The following NBEAL1 variants were observed in gnomAD, a reference collection of about 807,000 sequenced individuals.
The protein encoded by NBEAL1 is neurobeachin like 1, also known as neurobeachin-like protein 1.
Under a neutral mutation model 351.3 loss-of-function variants are expected in NBEAL1, and 273 were observed. The ratio of observed to expected loss-of-function variants is 0.78; its 90% CI spans 0.70 to 0.86. NBEAL1 has a LOEUF of 0.86. Among genes scored for constraint, NBEAL1 ranks in the 40% least tolerant of loss-of-function variants. The pLI, the probability that NBEAL1 is intolerant of heterozygous loss-of-function variation, is 0.00. For missense variants in NBEAL1, 2,961 were observed against 3,201.3 expected (o/e 0.92, Z 1.81); for synonymous variants, 1,050 against 1,086.4 (o/e 0.97, Z 0.66).
intron 3 of NBEAL1, among the ~76,000 whole-genome samples, chr2:203,044,947 G>A (rs994761767): frequency 4.6e-5 from 7 of 152,232 alleles, no homozygotes; most frequent in African/African-American, 1.7e-4. Context: ...TGTGGAATTT[G>A]GGAAACTGCA....
chr2:203,072,788 G>T (rs1436826196), intron 7 of NBEAL1, among the ~76,000 whole-genome samples: 1 of 152,114 alleles, frequency 6.6e-6, no homozygotes, highest in African/African-American at 2.4e-5. Flanking sequence ...AACTCTTCCA[G>T]CCTCTACCCA....
At position 203,175,211 on chromosome 2, in the gene NBEAL1, A is replaced by T; in HGVS notation, c.6388A>T (p.Asn2130Tyr). Residue 2130 changes from asparagine to tyrosine, a missense_variant, in exon 42 of 56, where the codon AAT (asparagine) becomes TAT (tyrosine). Asn to Tyr is a moderately radical substitution (Grantham distance 143). Transcript: ENST00000683969. The part of the protein sequence containing the change: ...DKFHYGTHYS[N>Y]SAGVMHYLIR... ...GTTTCACTATGGTACTCACTATTCA[A>T]ATTCTGCGGGGGTCATGCACTATCT... 1.2e-6 allele frequency: 2 copies of T among 1,613,856 alleles called. No homozygotes were observed. Among genetic ancestry groups the T allele is most frequent in the Non-Finnish European group, 1.7e-6 (2 of 1,179,834 alleles).
At chr2:203,189,167 C>T (rs1575106095) in intron 45 of NBEAL1, among the ~76,000 whole-genome samples, 1 of 152,088 alleles carries the variant, frequency 6.6e-6, no homozygotes, top group African/African-American at 2.4e-5. Flanking sequence ...TTGGACTTAC[C>T]TAGTTTAGCC....
chr2:203,120,123 AT>A (rs1397402259), intron 18 of NBEAL1, among the ~76,000 whole-genome samples: 4 of 152,188 alleles, frequency 2.6e-5, no homozygotes, highest in African/African-American at 9.6e-5. Context: ...CTTTATGAGC[AT>A]TTATTTTTCT....
chr2:203,127,960 A>C, intron 24 of NBEAL1, 23 bp downstream of exon 24: 2 of 1,528,848 alleles, frequency 1.3e-6, no homozygotes, highest in Non-Finnish European at 1.8e-6. Context: ...AGATACATCT[A>C]CTTTTCCTTT....
intron 31 of NBEAL1, among the ~76,000 whole-genome samples, chr2:203,140,752 A>G (rs946224737): frequency 6.6e-6 from 1 of 152,152 alleles, no homozygotes; most frequent in Non-Finnish European, 1.5e-5. Context: ...AAAATATGAA[A>G]CTGGCCAGGC....
At chr2:203,198,284 G>GT (rs2065295701) in intron 48 of NBEAL1, among the ~76,000 whole-genome samples, 1 of 151,670 alleles carries the variant, frequency 6.6e-6, no homozygotes, top group Non-Finnish European at 1.5e-5. Flanking sequence ...AAGTGCCTGC[G>GT]TTTTTTAAAG....
chr2:203,033,854 T>C lies in NBEAL1; in HGVS notation c.52-7911T>C, dbSNP rs925328734. Among the ~76,000 whole-genome samples the C allele has an allele frequency of 3.3e-5, 5 of 152,306 alleles. No homozygotes were observed. In the South Asian group the frequency reaches 8.3e-4, roughly 25 times the overall value. On this transcript the variant is annotated intron_variant, in intron 2 of 55. Transcript: ENST00000683969. ...CATCTTTGAACATATCTTGCTGTTT[T>C]CTCTCTGTCTGGATTCCTCTCTTCC...
chr2:203,121,677 G>A (rs552088215), intron 18 of NBEAL1, among the ~76,000 whole-genome samples: 163 of 151,272 alleles, frequency 1.1e-3, no homozygotes, highest in African/African-American at 3.7e-3. Context: ...AAACATCACT[G>A]TGGCTGGCGA....
At position 203,225,008 on chromosome 2, in the gene NBEAL1, C is replaced by CTAAT. The variant is rs1280504460; in HGVS notation, c.*7655_*7658dup. ...AAAAAATTCATTGTGTGTATATGAGCTAATACTTGATTTGTTTCTGTATAG... is the reference window on the plus strand; with the variant it reads ...AAAAAATTCATTGTGTGTATATGAGCTAATTAATACTTGATTTGTTTCTGTATAG... On this transcript the variant is annotated 3_prime_UTR_variant, in exon 56 of 56. Transcript: ENST00000683969. 5.3e-5 allele frequency among the ~76,000 whole-genome samples: 8 copies of CTAAT among 152,052 alleles called. No homozygotes were observed. The highest frequency in any genetic ancestry group is 3.3e-4 in the Admixed American group (5 of 15,272).
At chr2:203,123,198 AAAG>A (rs2062865474) in intron 19 of NBEAL1, among the ~76,000 whole-genome samples, 1 of 151,882 alleles carries the variant, frequency 6.6e-6, no homozygotes, top group South Asian at 2.1e-4. Flanking sequence ...ATTTCAGTGA[AAAG>A]AAATCATTAA....
At chr2:203,146,809 T>A (rs965102654) in intron 33 of NBEAL1, among the ~76,000 whole-genome samples, 19 of 152,160 alleles carry the variant, frequency 1.2e-4, no homozygotes, top group Non-Finnish European at 2.5e-4. Flanking sequence ...ATAATAATAA[T>A]GGTAATAATA....
intron 44 of NBEAL1, among the ~76,000 whole-genome samples, chr2:203,184,802 C>T (rs1050638374): frequency 2.6e-5 from 4 of 151,110 alleles, no homozygotes; most frequent in African/African-American, 4.9e-5. Context: ...TGGTGTGTAC[C>T]GGTAGTCCCA....
chr2:203,110,860 G>A (rs1348633226), intron 15 of NBEAL1, among the ~76,000 whole-genome samples: 1 of 147,314 alleles, frequency 6.8e-6, no homozygotes, highest in Non-Finnish European at 1.5e-5. Flanking sequence ...CTGCCTCCCG[G>A]GTTCAAGCAA....
At chr2:203,084,779 T>C (rs2061933625) in intron 10 of NBEAL1, 1 of 376,158 alleles carries the variant, frequency 2.7e-6, no homozygotes, top group Non-Finnish European at 4.7e-6. Context: ...TGGAATTTCT[T>C]TGTATGGGAA....
chr2:203,019,941 A>C (rs937871926), intron 2 of NBEAL1, among the ~76,000 whole-genome samples: 1 of 152,188 alleles, frequency 6.6e-6, no homozygotes, highest in African/African-American at 2.4e-5. Flanking sequence ...CAATATTTGA[A>C]AGAATTTGAG....
intron 41 of NBEAL1, among the ~76,000 whole-genome samples, chr2:203,174,620 C>T (rs960744825): frequency 1.3e-5 from 2 of 151,910 alleles, no homozygotes; most frequent in African/African-American, 2.4e-5. Flanking sequence ...AGGCTGGGTA[C>T]GGTGGCTCAC....
intron 11 of NBEAL1, 114 bp from the exon 12 acceptor site, chr2:203,099,515 A>G: frequency 1.6e-6 from 1 of 609,552 alleles, no homozygotes; most frequent in South Asian, 2.2e-5. Flanking sequence ...CAGAAGAGGA[A>G]TGTAATGCAT....
intron 55 of NBEAL1, among the ~76,000 whole-genome samples, chr2:203,215,831 C>T (rs370728265): frequency 2.0e-5 from 3 of 151,678 alleles, no homozygotes; most frequent in East Asian, 3.9e-4. Context: ...GGCAACATGT[C>T]GAAACCCTGT....
Sources: gnomAD v4.1 joint callset for allele counts (sites outside exome capture counted in the v4.1 genomes callset) on GRCh38, gnomAD v4.1.1 for gene constraint, MANE v1.5 for transcripts, NCBI Gene and HGNC (gene_info 2026-07-23, HGNC 2026-07-21) for gene names.